MACROD2: variants seen among roughly 807,000 people sequenced by gnomAD.
The protein encoded by MACROD2 is ADP-ribose glycohydrolase MACROD2.
A neutral mutation model predicts 70.4 loss-of-function variants in MACROD2; 36 were observed. That is an observed-to-expected ratio of 0.51 (90% CI 0.39 to 0.68). The LOEUF is 0.68. MACROD2 is among the 30% of genes least tolerant of loss of function. The pLI, the probability that MACROD2 is intolerant of heterozygous loss-of-function variation, is 0.00. For missense variants in MACROD2, 496 were observed against 538.4 expected (o/e 0.92, Z 0.78); for synonymous variants, 172 against 178.8 (o/e 0.96, Z 0.30).
chr20:14,659,523 TACA>T (rs1986127457), intron 4 of MACROD2, among the ~76,000 whole-genome samples: 1 of 152,164 alleles, frequency 6.6e-6, no homozygotes, highest in African/African-American at 2.4e-5. Flanking sequence ...CAGAATTTAG[TACA>T]AGAGGTGCTG....
chr20:15,819,144 A>G (rs897070779), intron 8 of MACROD2, among the ~76,000 whole-genome samples: 2 of 150,082 alleles, frequency 1.3e-5, no homozygotes, highest in African/African-American at 2.4e-5. Context: ...TTCTGAAAAC[A>G]ACCTGTAAAT....
At chr20:15,062,256 A>G (rs936021873) in intron 5 of MACROD2, among the ~76,000 whole-genome samples, 4 of 152,226 alleles carry the variant, frequency 2.6e-5, no homozygotes, top group Non-Finnish European at 4.4e-5. Flanking sequence ...GTGTTGAGAA[A>G]TAGGATGGCT....
chr20:14,775,367 A>T (rs1489483801), intron 5 of MACROD2, among the ~76,000 whole-genome samples: 2 of 152,104 alleles, frequency 1.3e-5, no homozygotes, highest in Non-Finnish European at 2.9e-5. Context: ...TATAAGAAGC[A>T]TAGTGGTGGC....
chr20:14,770,080 G>A (rs577690675), intron 5 of MACROD2, among the ~76,000 whole-genome samples: 3 of 151,688 alleles, frequency 2.0e-5, no homozygotes, highest in South Asian at 4.2e-4. Context: ...TCTAATTTTG[G>A]TATTAAAATA....
chr20:14,594,433 G>A (rs974400025), intron 4 of MACROD2, among the ~76,000 whole-genome samples: 14 of 152,078 alleles, frequency 9.2e-5, no homozygotes, highest in African/African-American at 2.9e-4. Context: ...AAATAGATAC[G>A]TTAAAATTGT....
Position 14,334,154 on chromosome 20 carries a change from T to TA in MACROD2, c.272-159321dup, listed in dbSNP as rs1239917733. 3.3e-5 allele frequency among the ~76,000 whole-genome samples: 5 copies of TA among 152,340 alleles called. No homozygotes were observed. The South Asian group carries it at 1.0e-3, about 32-fold the overall frequency. On this transcript the variant is annotated intron_variant, in intron 3 of 17. Coordinates refer to ENST00000684519, the MANE Select transcript of MACROD2 (RefSeq NM_001351661.2). Reference sequence around the variant, plus strand: ...AAATTATATTCTATTGCTTTCTACTTAAAATCTGTTTTCTCTGGGGTTTTC... The same window carrying TA: ...AAATTATATTCTATTGCTTTCTACTTAAAAATCTGTTTTCTCTGGGGTTTTC...
intron 5 of MACROD2, among the ~76,000 whole-genome samples, chr20:14,877,977 G>A (rs2073568706): frequency 6.6e-6 from 1 of 152,054 alleles, no homozygotes; most frequent in African/African-American, 2.4e-5. Context: ...TCAGAGTGAT[G>A]CTGGCTCCAT....
intron 2 of MACROD2, among the ~76,000 whole-genome samples, chr20:14,016,345 T>C (rs1425387733): frequency 6.6e-6 from 1 of 152,220 alleles, no homozygotes; most frequent in African/African-American, 2.4e-5. Flanking sequence ...GCAGGTGTTT[T>C]CTCACACTTT....
At chr20:14,254,013 A>G (rs2082032659) in intron 3 of MACROD2, among the ~76,000 whole-genome samples, 1 of 151,970 alleles carries the variant, frequency 6.6e-6, no homozygotes, top group South Asian at 2.1e-4. Context: ...CTGATAATTT[A>G]AAACAAAATT....
intron 5 of MACROD2, among the ~76,000 whole-genome samples, chr20:14,887,804 G>C (rs1294255643): frequency 1.3e-5 from 2 of 151,304 alleles, no homozygotes; most frequent in African/African-American, 2.4e-5. Flanking sequence ...ACTATTTGGA[G>C]TATCACAATT....
At chr20:14,990,025 G>A (rs1174158354) in intron 5 of MACROD2, among the ~76,000 whole-genome samples, 1 of 152,066 alleles carries the variant, frequency 6.6e-6, no homozygotes, top group Non-Finnish European at 1.5e-5. Context: ...GCTCTAAAAT[G>A]GTCCTGAGGA....
At position 14,079,981 on chromosome 20, in the gene MACROD2, G is replaced by A. The variant is rs192244821; in HGVS notation, c.164-5640G>A. 8.5e-5 allele frequency among the ~76,000 whole-genome samples: 13 copies of A among 152,258 alleles called. No individual in the cohort carries two copies. In the South Asian group the frequency reaches 1.7e-3, roughly 19 times the overall value. On this transcript the variant is annotated intron_variant, in intron 2 of 17. Coordinates refer to ENST00000684519, the MANE Select transcript of MACROD2 (RefSeq NM_001351661.2). ...CGTTGAACCAAAGACTGCTGTTATA[G>A]GGTTCCCAGCCTTATAGGTGGGTAA...
chr20:15,527,015 C>T (rs1432084721), intron 8 of MACROD2, among the ~76,000 whole-genome samples: 1 of 152,120 alleles, frequency 6.6e-6, no homozygotes, highest in Non-Finnish European at 1.5e-5. Flanking sequence ...TAACAGTTGT[C>T]GTGGGTGAAT....
chr20:14,730,607 C>G (rs375767922), intron 5 of MACROD2, among the ~76,000 whole-genome samples: 43 of 152,080 alleles, frequency 2.8e-4, no homozygotes, highest in African/African-American at 8.5e-4. Context: ...ACAGACCCTT[C>G]CAGAAGGAAT....
intron 8 of MACROD2, among the ~76,000 whole-genome samples, chr20:15,598,931 G>A (rs1393567474): frequency 1.3e-5 from 2 of 152,124 alleles, no homozygotes; most frequent in Non-Finnish European, 2.9e-5. Context: ...AGCCCTAAGC[G>A]AATCCTCTCC....
chr20:15,753,615 C>G (rs952346143), intron 8 of MACROD2, among the ~76,000 whole-genome samples: 1 of 152,154 alleles, frequency 6.6e-6, no homozygotes, highest in Non-Finnish European at 1.5e-5. Flanking sequence ...GATTTACTTT[C>G]TTTTGGATAC....
At chr20:15,810,847 T>G (rs2063812953) in intron 8 of MACROD2, among the ~76,000 whole-genome samples, 1 of 151,874 alleles carries the variant, frequency 6.6e-6, no homozygotes, top group Non-Finnish European at 1.5e-5. Context: ...AAGGATTCCC[T>G]ATTTAATAAA....
At chr20:15,400,720 T>C (rs1317474312) in intron 6 of MACROD2, among the ~76,000 whole-genome samples, 7 of 152,192 alleles carry the variant, frequency 4.6e-5, no homozygotes, top group African/African-American at 1.7e-4. Flanking sequence ...CCTTTGGTTA[T>C]TCATCCTATT....
chr20:15,048,140 G>A (rs188867152), intron 5 of MACROD2, among the ~76,000 whole-genome samples: 1 of 123,436 alleles, frequency 8.1e-6, no homozygotes. Flanking sequence ...GCCAGGTGTG[G>A]TGGTGGGTGC....
Sources: allele counts gnomAD v4.1 joint callset (sites outside exome capture counted in the v4.1 genomes callset), GRCh38; gene constraint gnomAD v4.1.1; transcripts MANE v1.5; gene names NCBI Gene and HGNC (gene_info 2026-07-23, HGNC 2026-07-21).